FBN1: variants seen among roughly 807,000 people sequenced by gnomAD.
The protein encoded by FBN1 is fibrillin-1.
In FBN1, 29 loss-of-function variants were observed where a neutral mutation model predicts 365.1. The observed-to-expected ratio is 0.08, with a 90% CI of 0.06 to 0.11. The LOEUF (loss-of-function observed/expected upper bound fraction) is 0.11. FBN1 is among the 10% of genes least tolerant of loss of function. The probability of loss-of-function intolerance (pLI) is 1.00; values close to 1 mark genes in which losing one functional copy is unlikely to be tolerated. For synonymous variants in FBN1, 1,210 were observed against 1,270.5 expected, an observed-to-expected ratio of 0.95 and a Z score of 1.01; for missense variants, 2,476 against 3,703.2, an observed-to-expected ratio of 0.67 and a Z score of 8.60.
At chr15:48,540,022 G>A (rs964957859) in intron 6 of FBN1, among the ~76,000 whole-genome samples, 4 of 152,122 alleles carry the variant, frequency 2.6e-5, no homozygotes, top group African/African-American at 9.7e-5. Context: ...TGAAGAAAAA[G>A]TCACTCAGCA....
chr15:48,636,716 C>T (rs138295184), intron 2 of FBN1, among the ~76,000 whole-genome samples: 735 of 152,248 alleles, frequency 4.8e-3, no homozygotes, highest in South Asian at 0.013. Flanking sequence ...GGGCTGCAGG[C>T]GCCAGTGCCT....
chr15:48,619,952 C>T lies in FBN1; in HGVS notation c.165-6860G>A, dbSNP rs561724666. Among the ~76,000 whole-genome samples the T allele has an allele frequency of 1.3e-4, 20 of 151,536 alleles. No individual in the cohort carries two copies. In the South Asian group the frequency reaches 4.0e-3, roughly 30 times the overall value. ...TACATGCTTCGACCTATATGAATGC[C>T]AAATCAACATGTTTTAAAAATTAAA... On this transcript the variant is annotated intron_variant, in intron 2 of 65. Coordinates refer to ENST00000316623, the MANE Select transcript of FBN1 (RefSeq NM_000138.5).
At chr15:48,512,331 T>TA (rs973192676) in intron 13 of FBN1, among the ~76,000 whole-genome samples, 50 of 152,342 alleles carry the variant, frequency 3.3e-4, no homozygotes, top group Non-Finnish European at 2.9e-4. Flanking sequence ...ACTTAACTTT[T>TA]AAAAAACTTT....
At chr15:48,619,965 T>C (rs978825443) in intron 2 of FBN1, among the ~76,000 whole-genome samples, 1 of 152,162 alleles carries the variant, frequency 6.6e-6, no homozygotes, top group Non-Finnish European at 1.5e-5. Flanking sequence ...ATCAACATGT[T>C]TTAAAAATTA....
At chr15:48,470,196 T>C (rs2043359524) in intron 36 of FBN1, among the ~76,000 whole-genome samples, 1 of 152,122 alleles carries the variant, frequency 6.6e-6, no homozygotes, top group Non-Finnish European at 1.5e-5. Context: ...CTGAGCTCTG[T>C]GTACCCAGTA....
chr15:48,445,343 T>C (rs1403432704), intron 48 of FBN1, 33 bp downstream of exon 48: 2 of 1,610,144 alleles, frequency 1.2e-6, no homozygotes, highest in Non-Finnish European at 1.7e-6. Context: ...TCTGGAAGCA[T>C]TCTTTCCAGG....
chr15:48,427,401 G>C (rs1399417732), intron 58 of FBN1, among the ~76,000 whole-genome samples, 166 bp downstream of exon 58: 2 of 152,224 alleles, frequency 1.3e-5, no homozygotes, highest in African/African-American at 4.8e-5. Context: ...CACTTTGGCA[G>C]CATGACCTCA....
chr15:48,410,758 A>G lies in FBN1; in HGVS notation c.*232T>C. On this transcript the variant is annotated 3_prime_UTR_variant, in exon 66 of 66. Transcript: ENST00000316623. Reference sequence around the variant, plus strand: ...CACGTCCCAGTTTTCAAGAATCAACACATATGACAAGGTAGCTTAGCTACA... The same window carrying G: ...CACGTCCCAGTTTTCAAGAATCAACGCATATGACAAGGTAGCTTAGCTACA... 1 of 508,532 alleles carries G rather than the reference A, an allele frequency of 2.0e-6. No individual in the cohort carries two copies. The highest frequency in any genetic ancestry group is 3.7e-5 in the Admixed American group (1 of 26,740). 31.5% of individuals were successfully genotyped at this position (508,532 alleles called of 1,614,324 possible). A position where few individuals can be genotyped will look rare whatever the true frequency, so the allele number is the denominator to read the frequency against.
intron 15 of FBN1, among the ~76,000 whole-genome samples, chr15:48,505,551 G>A (rs2043701238): frequency 6.6e-6 from 1 of 152,158 alleles, no homozygotes; most frequent in African/African-American, 2.4e-5. Context: ...TTTCCTTTTG[G>A]TATTCATCAC....
rs35314876 is a variant in FBN1, at chr15:48,492,594, GA to G, written c.2729-9del. 376 of 1,555,682 alleles carry G rather than the reference GA, an allele frequency of 2.4e-4. 1 individual carries two copies. Among genetic ancestry groups the G allele is most frequent in the South Asian group, 3.7e-4 (32 of 86,994 alleles). ...CTTCACATTCATCTATATCTAAAAA[GA>G]AAAAAAAAGTATAAAGTTAATATAT... On this transcript the variant is annotated splice_polypyrimidine_tract_variant and intron_variant, in intron 23 of 65. Transcript: ENST00000316623.
At chr15:48,420,645 C>G in intron 63 of FBN1, 42 bp downstream of exon 63, 1 of 1,613,050 alleles carries the variant, frequency 6.2e-7, no homozygotes, top group Non-Finnish European at 8.5e-7. Context: ...CTTCATAGGA[C>G]CTGATAGCCA....
Position 48,496,138 on chromosome 15 carries a change from T to G in FBN1, c.2381A>C (p.Lys794Thr), listed in dbSNP as rs375366432. Residue 794 changes from lysine to threonine, a missense_variant, in exon 20 of 66, where the codon AAG (lysine) becomes ACG (threonine). Lys to Thr is a moderately conservative substitution (Grantham distance 78). Around this residue, in one of 5 missense-constraint regions of FBN1, gnomAD observed 1,780 missense variants for 2,840.8 expected, o/e 0.63. Transcript: ENST00000316623. Reference sequence around the variant, plus strand: ...TAGATCAGGTTTGTAGATAAATCCCTTGGGGCAGGTACAGACAAAACTTCC... The same window carrying G: ...TAGATCAGGTTTGTAGATAAATCCCGTGGGGCAGGTACAGACAAAACTTCC... ...TPGSFVCTCP[K>T]GFIYKPDLKT... The G allele has an allele frequency of 3.1e-6, 5 of 1,613,730 alleles. No homozygotes were observed. Among genetic ancestry groups the G allele is most frequent in the Non-Finnish European group, 4.2e-6 (5 of 1,179,832 alleles).
intron 6 of FBN1, among the ~76,000 whole-genome samples, chr15:48,579,188 C>T (rs1368999764): frequency 2.0e-5 from 3 of 152,070 alleles, no homozygotes; most frequent in Non-Finnish European, 4.4e-5. Flanking sequence ...CTGAATCTTG[C>T]TTGTATGTCA....
chr15:48,561,150 C>G (rs1360288844), intron 6 of FBN1, among the ~76,000 whole-genome samples: 6 of 152,132 alleles, frequency 3.9e-5, no homozygotes, highest in Admixed American at 3.9e-4. Flanking sequence ...AGTATAAGTG[C>G]TAAAACAAAA....
At chr15:48,431,040 ATGATTCTGATCATGCC>A (rs1202628866) in intron 55 of FBN1, among the ~76,000 whole-genome samples, 1 of 152,116 alleles carries the variant, frequency 6.6e-6, no homozygotes, top group Non-Finnish European at 1.5e-5. Flanking sequence ...TTCAAGAAGC[ATGATTCTGATCATGCC>A]TTTTCTCTCT....
intron 6 of FBN1, among the ~76,000 whole-genome samples, chr15:48,592,916 T>C (rs1360713149): frequency 2.0e-5 from 3 of 152,152 alleles, no homozygotes; most frequent in African/African-American, 7.2e-5. Flanking sequence ...GGTCTCTATT[T>C]TTTATCCTCT....
At chr15:48,640,704 T>C (rs1228463196) in intron 2 of FBN1, among the ~76,000 whole-genome samples, 3 of 152,208 alleles carry the variant, frequency 2.0e-5, no homozygotes, top group African/African-American at 7.2e-5. Flanking sequence ...ACTGGTCTCA[T>C]GTACCTATAA....
chr15:48,512,219 T>TAG (rs2043766183), intron 13 of FBN1, among the ~76,000 whole-genome samples: 2 of 152,222 alleles, frequency 1.3e-5, no homozygotes, highest in Non-Finnish European at 1.5e-5. Context: ...AACTTCTATA[T>TAG]GTCTTCAACT....
intron 15 of FBN1, among the ~76,000 whole-genome samples, chr15:48,506,960 A>G (rs1311258590): frequency 6.6e-6 from 1 of 152,158 alleles, no homozygotes; most frequent in African/African-American, 2.4e-5. Context: ...CCAGAATGCT[A>G]AAGTCAGAAC....
Sources: gnomAD v4.1 joint callset for allele counts (sites outside exome capture counted in the v4.1 genomes callset) on GRCh38, gnomAD v4.1.1 for gene constraint, gnomAD v4.1.1 regional missense constraint, MANE v1.5 for transcripts, NCBI Gene and HGNC (gene_info 2026-07-23, HGNC 2026-07-21) for gene names.